The following POLQ variants were observed in gnomAD, a reference collection of about 807,000 sequenced individuals.
The protein encoded by POLQ is DNA polymerase theta.
A neutral mutation model predicts 259.2 loss-of-function variants in POLQ; 233 were observed. That is an observed-to-expected ratio of 0.90 (90% CI 0.81 to 1.00). POLQ has a LOEUF of 1.00. Among genes scored for constraint, POLQ ranks in the 50% least tolerant of loss-of-function variants. POLQ has a pLI of 0.00. For synonymous variants in POLQ, 1,025 were observed against 1,048.8 expected (o/e 0.98, Z 0.44); for missense variants, 2,871 against 3,051.6 (o/e 0.94, Z 1.39).
At chr3:121,521,676 TCTC>T (rs1219256484) in intron 8 of POLQ, 2 of 159,240 alleles carry the variant, frequency 1.3e-5, no homozygotes, top group African/African-American at 4.8e-5. Context: ...TTCAAGCAAT[TCTC>T]CCTGCCTCAG....
chr3:121,473,487 C>G lies in POLQ; in HGVS notation c.6406G>C (p.Val2136Leu), dbSNP rs1321406924. 2 of 1,609,378 alleles carry G rather than the reference C, an allele frequency of 1.2e-6. No individual in the cohort carries two copies. Among genetic ancestry groups the G allele is most frequent in the Non-Finnish European group, 1.7e-6 (2 of 1,177,856 alleles). Residue 2136 changes from valine to leucine, a missense_variant and splice_region_variant, in exon 21 of 30, where the codon GTT becomes CTT. Physicochemically the swap from Val to Leu is conservative, Grantham distance 32 (BLOSUM62 1). Around this residue, in one of 3 missense-constraint regions of POLQ, gnomAD observed 2,080 missense variants for 2,126.0 expected, o/e 0.98. Coordinates refer to ENST00000264233, the MANE Select transcript of POLQ (RefSeq NM_199420.4). ...SFTSSDDIAEVLFLELKLPPN... is the reference protein window; with the variant it reads ...SFTSSDDIAELLFLELKLPPN... ...GGCAACTTCAATTCCAAAAATAAAA[C>G]CTGCAAGAAATTAATGTCTCTTTAG... is the stretch of plus-strand genomic sequence containing the variant.
intron 14 of POLQ, chr3:121,494,870 A>C: frequency 6.3e-7 from 1 of 1,585,020 alleles, no homozygotes; most frequent in East Asian, 2.2e-5. Flanking sequence ...CAAGCTCGAA[A>C]AGGCAAAGGC....
At chr3:121,442,123 C>T (rs1465437251) in intron 26 of POLQ, among the ~76,000 whole-genome samples, 1 of 152,062 alleles carries the variant, frequency 6.6e-6, no homozygotes, top group Admixed American at 6.6e-5. Flanking sequence ...TATTTCTTCC[C>T]AGTTTGTACC....
rs149932961 is a variant in POLQ, at chr3:121,527,638, G to C, written c.1108+2007C>G. On this transcript the variant is annotated intron_variant, in intron 7 of 29. Coordinates refer to ENST00000264233, the MANE Select transcript of POLQ (RefSeq NM_199420.4). ...TTTTTTTACAGTAGTACTTAAGCTCGATGCATTTATCTTAAAATAGTAAAT... is the reference window on the plus strand; with the variant it reads ...TTTTTTTACAGTAGTACTTAAGCTCCATGCATTTATCTTAAAATAGTAAAT... 9.0e-3 allele frequency among the ~76,000 whole-genome samples: 1,371 copies of C among 152,226 alleles called. 19 individuals are homozygous for C. The highest frequency in any genetic ancestry group is 0.031 in the African/African-American group (1,298 of 41,520).
At chr3:121,459,738 C>A (rs1166665916) in intron 25 of POLQ, among the ~76,000 whole-genome samples, 4 of 152,200 alleles carry the variant, frequency 2.6e-5, no homozygotes, top group Non-Finnish European at 4.4e-5. Context: ...TACGAACACA[C>A]GCACTCTGAC....
intron 15 of POLQ, among the ~76,000 whole-genome samples, chr3:121,491,243 C>T (rs1292233373): frequency 6.8e-6 from 1 of 146,472 alleles, no homozygotes; most frequent in Non-Finnish European, 1.5e-5. Context: ...GTCCCAGCTA[C>T]TTGGGAGGCT....
chr3:121,447,529 T>TA (rs1324552469), intron 26 of POLQ, among the ~76,000 whole-genome samples: 3 of 152,178 alleles, frequency 2.0e-5, no homozygotes, highest in African/African-American at 7.2e-5. Flanking sequence ...GAAAGGCTGT[T>TA]ACAGTTATTT....
intron 19 of POLQ, 64 bp downstream of exon 19, chr3:121,481,508 T>C: frequency 1.4e-6 from 2 of 1,429,660 alleles, no homozygotes; most frequent in Middle Eastern, 1.9e-4. Flanking sequence ...CCATTTTTGA[T>C]AAAGAGTGGC....
rs1252299299 is a variant in POLQ at position 121,509,569 on chromosome 3, G to A, written c.1951C>T (p.Leu651Phe). ...GTTAAAACAGAACTTACCAGATAGA[G>A]AATATGAAGATCATTCTCTAAAACA... ...GFVLENDLHI[L>F]YLVTPMFEDW... The change falls in exon 12 of 30, where the codon CTC becomes TTC. Residue 651 changes from leucine to phenylalanine, a missense_variant. Around this residue, in one of 3 missense-constraint regions of POLQ, gnomAD observed 783 missense variants for 906.2 expected, o/e 0.86. Coordinates refer to ENST00000264233, the MANE Select transcript of POLQ (RefSeq NM_199420.4). 1.2e-6 allele frequency: 2 copies of A among 1,611,180 alleles called. No homozygotes were observed. The highest frequency in any genetic ancestry group is 4.5e-5 in the East Asian group (2 of 44,842).
At chr3:121,511,837 C>G in intron 10 of POLQ, 50 bp downstream of exon 10, 2 of 1,371,988 alleles carry the variant, frequency 1.5e-6, no homozygotes, top group Non-Finnish European at 1.0e-6. Context: ...TAACATTTTA[C>G]TAATTTAGGC....
At chr3:121,537,343 T>C in intron 4 of POLQ, 135 bp from the exon 5 acceptor site, 1 of 631,388 alleles carries the variant, frequency 1.6e-6, no homozygotes, top group Non-Finnish European at 2.9e-6. Flanking sequence ...CATGTGAAGG[T>C]CTGTTACCTG....
chr3:121,434,087 ACTGT>A (rs773173195), intron 28 of POLQ, among the ~76,000 whole-genome samples: 51 of 152,272 alleles, frequency 3.3e-4, no homozygotes, highest in Admixed American at 1.4e-3. Flanking sequence ...CACACCATTG[ACTGT>A]CTGGATGCTC....
At chr3:121,441,461 A>C (rs944937064) in intron 26 of POLQ, among the ~76,000 whole-genome samples, 17 of 152,220 alleles carry the variant, frequency 1.1e-4, no homozygotes, top group Non-Finnish European at 2.9e-5. Context: ...CATGTTCATG[A>C]ATATCATACA....
chr3:121,440,022 G>C lies in POLQ; in HGVS notation c.7359C>G (p.Ile2453Met), dbSNP rs1256663487. 1 of 1,613,644 alleles carries C rather than the reference G, an allele frequency of 6.2e-7. No homozygotes were observed. Among genetic ancestry groups the C allele is most frequent in the Admixed American group, 1.7e-5 (1 of 59,998 alleles). Residue 2453 changes from isoleucine (I) to methionine (M), a missense_variant, in exon 27 of 30, where the codon ATC becomes ATG. Coordinates refer to ENST00000264233, the MANE Select transcript of POLQ (RefSeq NM_199420.4). ...ILGRRRYLPGIKDNNPYRKAH... is the reference protein window; with the variant it reads ...ILGRRRYLPGMKDNNPYRKAH... Reference sequence around the variant, plus strand: ...CTTTACGATAAGGGTTGTTGTCTTTGATTCCTGGCAAATATCTACGCCTTC... The same window carrying C: ...CTTTACGATAAGGGTTGTTGTCTTTCATTCCTGGCAAATATCTACGCCTTC...
chr3:121,522,623 A>G (rs1458402072), intron 7 of POLQ, among the ~76,000 whole-genome samples: 1 of 152,066 alleles, frequency 6.6e-6, no homozygotes, highest in African/African-American at 2.4e-5. Context: ...AGATCTTTTA[A>G]GAATACTGAT....
At chr3:121,448,323 G>T (rs1329315419) in intron 26 of POLQ, among the ~76,000 whole-genome samples, 2 of 151,622 alleles carry the variant, frequency 1.3e-5, no homozygotes, top group Non-Finnish European at 2.9e-5. Context: ...TATATCAATT[G>T]CATTTTCCTA....
rs2108797221 is a variant in POLQ, at chr3:121,487,469, C to T, written c.5462G>A (p.Ser1821Asn). 6.2e-7 allele frequency: 1 copy of T among 1,614,036 alleles called. No homozygotes were observed. Among genetic ancestry groups the T allele is most frequent in the Non-Finnish European group, 8.5e-7 (1 of 1,179,984 alleles). ...DGLQLTPASS[S>N]SESLSIIDVA... ...ATCAATTATGGACAAACTTTCTGAA[C>T]TGCTTGAGGCTGGAGTTAACTGTAA... The change falls in exon 16 of 30, where the codon AGT (serine) becomes AAT (asparagine). Residue 1821 changes from serine to asparagine, a missense_variant. Coordinates refer to ENST00000264233, the MANE Select transcript of POLQ (RefSeq NM_199420.4).
Position 121,489,310 on chromosome 3 carries a change from A to G in POLQ, c.3621T>C (p.Ile1207=), listed in dbSNP as rs1315115673. The G allele has an allele frequency of 6.2e-7, 1 of 1,613,696 alleles. No homozygotes were observed. The highest frequency in any genetic ancestry group is 1.3e-5 in the African/African-American group (1 of 74,912). The change falls in exon 16 of 30, where the codon ATT becomes ATC. Residue 1207 remains isoleucine (I), a synonymous_variant. Transcript: ENST00000264233. Reference sequence around the variant, plus strand: ...TCTCTATTATATTTTTCTGTTTGGTAATAGTGCTTGTCTGTTCATGAGATT... The same window carrying G: ...TCTCTATTATATTTTTCTGTTTGGTGATAGTGCTTGTCTGTTCATGAGATT... The part of the protein sequence containing the change: ...RKQSHEQTST[I]TKQKNIIERQ...
At chr3:121,444,375 G>A (rs1000795657) in intron 26 of POLQ, among the ~76,000 whole-genome samples, 27 of 152,054 alleles carry the variant, frequency 1.8e-4, no homozygotes, top group Non-Finnish European at 2.5e-4. Context: ...ATTACTTTCC[G>A]GATTTCTTTT....
Sources: gnomAD v4.1 joint callset for allele counts (sites outside exome capture counted in the v4.1 genomes callset) on GRCh38, gnomAD v4.1.1 for gene constraint, gnomAD v4.1.1 regional missense constraint, MANE v1.5 for transcripts, NCBI Gene and HGNC (gene_info 2026-07-23, HGNC 2026-07-21) for gene names.